Variants in TMEM184B observed in about 807,000 individuals in gnomAD.
TMEM184B encodes the protein putative MAPK-activating protein FM08.
Under a neutral mutation model 41.8 loss-of-function variants are expected in TMEM184B, and 17 were observed. That is an observed-to-expected ratio of 0.41 (90% CI 0.28 to 0.61). The LOEUF (loss-of-function observed/expected upper bound fraction) is 0.61. Ranked by LOEUF, TMEM184B falls within the 20% of genes least tolerant of loss-of-function variation. The probability of loss-of-function intolerance (pLI) is 0.34; values close to 1 mark genes in which losing one functional copy is unlikely to be tolerated. For missense variants in TMEM184B, 393 were observed against 557.8 expected (o/e 0.70, Z 2.98); for synonymous variants, 240 against 229.5 (o/e 1.05, Z -0.41).
intron 3 of TMEM184B, among the ~76,000 whole-genome samples, chr22:38,242,132 A>AT (rs903643375): frequency 1.3e-5 from 2 of 151,570 alleles, no homozygotes; most frequent in Admixed American, 1.3e-4. Flanking sequence ...AATAAATGTA[A>AT]TTTTTTTTAG....
At chr22:38,262,974 C>T (rs1362990048) in intron 1 of TMEM184B, among the ~76,000 whole-genome samples, 1 of 152,196 alleles carries the variant, frequency 6.6e-6, no homozygotes, top group African/African-American at 2.4e-5. Context: ...ATGATCTTGG[C>T]TCACTGTAAA....
At position 38,219,933 on chromosome 22, in the gene TMEM184B, G is replaced by C; in HGVS notation, c.*1536C>G. The stretch of plus-strand genomic sequence containing the variant: ...AGGAAAGGAAGGAGGCCAGGAAGAC[G>C]GCTGGGCCCCAACTCTCCTCACAGG... On this transcript the variant is annotated 3_prime_UTR_variant, in exon 9 of 9. Transcript: ENST00000361906. 1 of 985,362 alleles carries C rather than the reference G, an allele frequency of 1.0e-6. No individual in the cohort carries two copies. Among genetic ancestry groups the C allele is most frequent in the Non-Finnish European group, 1.2e-6 (1 of 829,904 alleles). 61.0% of individuals were successfully genotyped at this position (985,362 alleles called of 1,614,324 possible). A position where few individuals can be genotyped will look rare whatever the true frequency, so the allele number is the denominator to read the frequency against.
intron 3 of TMEM184B, among the ~76,000 whole-genome samples, chr22:38,243,121 T>A (rs1467067437): frequency 6.6e-6 from 1 of 151,074 alleles, no homozygotes; most frequent in Non-Finnish European, 1.5e-5. Context: ...GTACTGTTTG[T>A]AAACTCCCTG....
At chr22:38,245,875 ACAGGGGCTCCCAGCCCCC>A in intron 3 of TMEM184B, 42 bp downstream of exon 3, 1 of 1,469,628 alleles carries the variant, frequency 6.8e-7, no homozygotes, top group Non-Finnish European at 9.2e-7. Context: ...GAATGTGGGG[ACAGGGGCTCCCAGCCCCC>A]CAGCCCCCCG....
intron 8 of TMEM184B, chr22:38,223,193 A>T (rs2091312463): frequency 6.5e-6 from 1 of 152,756 alleles, no homozygotes; most frequent in Admixed American, 6.5e-5. Flanking sequence ...AGAAGAGGGC[A>T]AGCAGCTTCC....
chr22:38,253,137 G>A (rs192259738), intron 1 of TMEM184B, among the ~76,000 whole-genome samples: 2,973 of 151,922 alleles, frequency 0.02, 98 homozygotes, highest in African/African-American at 0.069. Flanking sequence ...GCCAGACGCA[G>A]TCTCAAAAAC....
rs1031689000 is a variant in TMEM184B at position 38,220,139 on chromosome 22, G to A, written c.*1330C>T. On this transcript the variant is annotated 3_prime_UTR_variant, in exon 9 of 9. Transcript: ENST00000361906. ...CCTGTAGGGACACGTGTTGTGACAC[G>A]AGGCTCTTCCTAAGTCAGGAGCTAG... 1.0e-5 allele frequency: 10 copies of A among 985,262 alleles called. No homozygotes were observed. The African/African-American group carries it at 1.0e-4, about 10-fold the overall frequency. 61.0% of individuals were successfully genotyped at this position (985,262 alleles called of 1,614,324 possible). A position where few individuals can be genotyped will look rare whatever the true frequency, so the allele number is the denominator to read the frequency against.
At chr22:38,236,744 C>T (rs58525199) in intron 3 of TMEM184B, among the ~76,000 whole-genome samples, 5,981 of 152,262 alleles carry the variant, frequency 0.039, 378 homozygotes, top group African/African-American at 0.13. Flanking sequence ...CTGGTCTCAG[C>T]CTCCCAAAGT....
chr22:38,250,390 C>A (rs2092136423), intron 1 of TMEM184B, among the ~76,000 whole-genome samples: 1 of 152,160 alleles, frequency 6.6e-6, no homozygotes, highest in Non-Finnish European at 1.5e-5. Flanking sequence ...AGACACAAAT[C>A]GAGACTAAAA....
chr22:38,236,213 G>C (rs889280352), intron 3 of TMEM184B, among the ~76,000 whole-genome samples: 4 of 152,164 alleles, frequency 2.6e-5, no homozygotes, highest in Non-Finnish European at 5.9e-5. Context: ...AATGAGAGTA[G>C]GCTGTCCGCT....
intron 1 of TMEM184B, among the ~76,000 whole-genome samples, chr22:38,265,867 GGTTA>G (rs1253273366): frequency 6.6e-6 from 1 of 152,218 alleles, no homozygotes; most frequent in African/African-American, 2.4e-5. Context: ...GGCGCCATGG[GGTTA>G]GTTATTTTCT....
At chr22:38,234,285 G>C (rs917082757) in intron 3 of TMEM184B, among the ~76,000 whole-genome samples, 1 of 152,120 alleles carries the variant, frequency 6.6e-6, no homozygotes, top group African/African-American at 2.4e-5. Context: ...ATGCAGCGGG[G>C]AAGCACGAGC....
intron 1 of TMEM184B, chr22:38,272,488 C>A: frequency 1.0e-6 from 1 of 985,572 alleles, no homozygotes; most frequent in Non-Finnish European, 1.2e-6. Flanking sequence ...ACGGACGCCT[C>A]CCCCACTCAC....
At chr22:38,263,745 A>G (rs2145774614) in intron 1 of TMEM184B, among the ~76,000 whole-genome samples, 1 of 152,346 alleles carries the variant, frequency 6.6e-6, no homozygotes, top group East Asian at 1.9e-4. Flanking sequence ...GGCACAGTAC[A>G]TTTAAATTGT....
intron 1 of TMEM184B, among the ~76,000 whole-genome samples, chr22:38,266,458 G>C (rs903049222): frequency 1.3e-5 from 2 of 152,344 alleles, no homozygotes. Context: ...TCACAGCTGG[G>C]TTTCCTGACT....
rs1196655039 is a variant in TMEM184B, at chr22:38,220,920, G to C, written c.*549C>G. On this transcript the variant is annotated 3_prime_UTR_variant, in exon 9 of 9. Coordinates refer to ENST00000361906, the MANE Select transcript of TMEM184B (RefSeq NM_012264.5). ...TCTGATCCTTGCAGCATGCCACAGA[G>C]GCCTGGGTCAGGAGGGGAGGACCAC... is the stretch of plus-strand genomic sequence containing the variant. 4 of 987,634 alleles carry C rather than the reference G, an allele frequency of 4.1e-6. No homozygotes were observed. Among genetic ancestry groups the C allele is most frequent in the Non-Finnish European group, 4.8e-6 (4 of 831,224 alleles). The allele number at this position is 987,634 out of a possible 1,614,324, so 61.2% of individuals were successfully genotyped here.
At chr22:38,262,760 C>T (rs568235199) in intron 1 of TMEM184B, among the ~76,000 whole-genome samples, 1 of 152,222 alleles carries the variant, frequency 6.6e-6, no homozygotes, top group Non-Finnish European at 1.5e-5. Context: ...CCCTCACACT[C>T]GGCCCCTTTG....
chr22:38,254,009 TG>T (rs1367775474), intron 1 of TMEM184B, among the ~76,000 whole-genome samples: 1 of 152,088 alleles, frequency 6.6e-6, no homozygotes, highest in African/African-American at 2.4e-5. Context: ...GAGATCAGCC[TG>T]GCCAACATGG....
intron 1 of TMEM184B, among the ~76,000 whole-genome samples, chr22:38,271,698 G>C (rs2092526501): frequency 6.6e-6 from 1 of 152,156 alleles, no homozygotes; most frequent in African/African-American, 2.4e-5. Flanking sequence ...AGAGCTCCTT[G>C]ATGGCTTGGG....
Sources: gnomAD v4.1 joint callset for allele counts (sites outside exome capture counted in the v4.1 genomes callset) on GRCh38, gnomAD v4.1.1 for gene constraint, MANE v1.5 for transcripts, NCBI Gene and HGNC (gene_info 2026-07-23, HGNC 2026-07-21) for gene names.